Variants in BUD31 observed in about 807,000 individuals in gnomAD.
BUD31 encodes protein BUD31 homolog.
In BUD31, 9 loss-of-function variants were observed where a neutral mutation model predicts 17.9. The ratio of observed to expected loss-of-function variants is 0.50; its 90% confidence interval spans 0.30 to 0.88. BUD31 has a LOEUF of 0.88. Ranked by LOEUF, BUD31 falls within the 40% of genes least tolerant of loss-of-function variation. BUD31 has a pLI of 0.06. For synonymous variants in BUD31, 70 were observed against 64.7 expected (o/e 1.08, Z -0.39); for missense variants, 148 against 184.5 (o/e 0.80, Z 1.15).
At chr7:99,418,965 G>A (rs966919593) in intron 5 of BUD31, 3 of 183,850 alleles carry the variant, frequency 1.6e-5, no homozygotes, top group Non-Finnish European at 3.4e-5. Context: ...GGCCAGAAGG[G>A]TGTGACTCAA....
rs145365365 is a variant in BUD31, at chr7:99,412,151, A to G, written c.94+965A>G. Among the ~76,000 whole-genome samples, 424 of 152,360 alleles carry G rather than the reference A, an allele frequency of 2.8e-3. 1 individual carries two copies. Among genetic ancestry groups the G allele is most frequent in the African/African-American group, 9.9e-3 (413 of 41,576 alleles). On this transcript the variant is annotated intron_variant, in intron 3 of 5. Transcript: ENST00000222969. ...CCTTTTTAAAAAAACTGTTCGTACC[A>G]GATAACTTCTATTAAATACTCAGTA...
chr7:99,411,876 T>C, intron 3 of BUD31: 1 of 350,350 alleles, frequency 2.9e-6, no homozygotes, highest in South Asian at 2.1e-5. Context: ...CCGGCTAATT[T>C]TTGTATTTTT....
intron 3 of BUD31, among the ~76,000 whole-genome samples, chr7:99,411,515 T>C (rs2150918995): frequency 6.6e-6 from 1 of 152,352 alleles, no homozygotes; most frequent in East Asian, 1.9e-4. Context: ...ATATATTTAC[T>C]TGGAAGTGCT....
intron 3 of BUD31, 42 bp downstream of exon 3, chr7:99,411,228 G>C: frequency 6.6e-7 from 1 of 1,526,356 alleles, no homozygotes; most frequent in Non-Finnish European, 9.1e-7. Context: ...GGGTCCAAGG[G>C]TCACAGGCTT....
chr7:99,412,961 T>C (rs141348640), intron 3 of BUD31, among the ~76,000 whole-genome samples: 272 of 152,090 alleles, frequency 1.8e-3, no homozygotes, highest in African/African-American at 6.4e-3. Context: ...GGTGTGTTAG[T>C]CCATTTTCAC....
chr7:99,409,774 G>C (rs568553320), intron 1 of BUD31, among the ~76,000 whole-genome samples: 6 of 130,984 alleles, frequency 4.6e-5, no homozygotes, highest in East Asian at 5.5e-4. Context: ...GTGGGCGGGG[G>C]GGGGGTGGGT....
intron 3 of BUD31, among the ~76,000 whole-genome samples, chr7:99,412,423 C>G: frequency 6.6e-6 from 1 of 152,040 alleles, no homozygotes; most frequent in East Asian, 1.9e-4. Flanking sequence ...ATTCTTTGTT[C>G]TGTTTTCTTT....
intron 5 of BUD31, 146 bp from the exon 6 acceptor site, chr7:99,419,245 T>C: frequency 2.2e-6 from 2 of 929,056 alleles, no homozygotes; most frequent in Non-Finnish European, 1.6e-6. Context: ...AAATTTTCCC[T>C]GTCCAGAGCT....
intron 4 of BUD31, chr7:99,416,951 C>T (rs1316379974): frequency 1.2e-5 from 2 of 162,860 alleles, no homozygotes; most frequent in African/African-American, 4.8e-5. Context: ...AAATGATCCT[C>T]TGGCGTTGGC....
intron 5 of BUD31, 69 bp from the exon 6 acceptor site, chr7:99,419,322 C>T: frequency 6.3e-7 from 1 of 1,575,884 alleles, no homozygotes; most frequent in Non-Finnish European, 8.7e-7. Context: ...GGGAGGGTTG[C>T]CACATATGTG....
chr7:99,416,903 T>G (rs1795508241), intron 4 of BUD31: 1 of 161,292 alleles, frequency 6.2e-6, no homozygotes, highest in South Asian at 1.6e-4. Context: ...AAATTTTTTG[T>G]GGAGATGGGC....
Position 99,419,410 on chromosome 7 carries a change from C to G in BUD31, c.404C>G (p.Thr135Arg). The change falls in exon 6 of 6, where the codon ACA becomes AGA. Residue 135 changes from threonine to arginine, a missense_variant. Thr to Arg is a moderately conservative substitution (Grantham distance 71, BLOSUM62 -1). Coordinates refer to ENST00000222969, the MANE Select transcript of BUD31 (RefSeq NM_003910.4). ...TTGCAGGGCCGCATCATCGAGTGCA[C>G]ACACTGTGGCTGTCGTGGCTGCTCT... Reference protein sequence around the residue: ...KLEVGRIIECTHCGCRGCSG With the variant: ...KLEVGRIIECRHCGCRGCSG 6.2e-7 allele frequency: 1 copy of G among 1,613,162 alleles called. No individual in the cohort carries two copies. Among genetic ancestry groups the G allele is most frequent in the Non-Finnish European group, 8.5e-7 (1 of 1,180,020 alleles).
rs972153751 is a variant in BUD31, at chr7:99,418,183, T to C, written c.384+588T>C. 1.5e-5 allele frequency: 3 copies of C among 195,080 alleles called. No homozygotes were observed. In the South Asian group the frequency reaches 3.5e-4, roughly 23 times the overall value. The allele number at this position is 195,080 out of a possible 1,614,324, so 12.1% of individuals were successfully genotyped here. A position where few individuals can be genotyped will look rare whatever the true frequency, so the allele number is the denominator to read the frequency against. On this transcript the variant is annotated intron_variant, in intron 5 of 5. Transcript: ENST00000222969. ...GGTTTCTCAATGTTGCTCAGGCTGG[T>C]CTCGAACTCCCGACCTCAGGTGATC...
chr7:99,411,703 CTT>C, intron 3 of BUD31: 1 of 455,900 alleles, frequency 2.2e-6, no homozygotes. Flanking sequence ...TACCAATTGA[CTT>C]TTTTATTTTT....
intron 1 of BUD31, 139 bp downstream of exon 1, chr7:99,409,384 AC>A (rs1795078246): frequency 1.3e-5 from 2 of 151,678 alleles, no homozygotes; most frequent in Non-Finnish European, 2.9e-5. Context: ...AATCTCTCTT[AC>A]ACCTCCCGGC....
intron 4 of BUD31, 36 bp downstream of exon 4, chr7:99,416,296 C>T (rs372430786): frequency 4.1e-5 from 65 of 1,598,418 alleles, no homozygotes; most frequent in Middle Eastern, 3.3e-4. Context: ...TTGAAGCTCG[C>T]GTCACTTTTG....
intron 3 of BUD31, among the ~76,000 whole-genome samples, chr7:99,413,121 T>C (rs920637528): frequency 6.6e-6 from 1 of 152,004 alleles, no homozygotes; most frequent in Non-Finnish European, 1.5e-5. Flanking sequence ...TGCTGAATCT[T>C]TACTACCTGC....
At chr7:99,418,029 G>A (rs1325062888) in intron 5 of BUD31, 8 of 1,112,648 alleles carry the variant, frequency 7.2e-6, no homozygotes, top group East Asian at 1.5e-4. Flanking sequence ...GTGCAGTGAT[G>A]CCATCTTGGC....
chr7:99,414,387 C>G (rs528480853), intron 3 of BUD31, among the ~76,000 whole-genome samples: 4 of 152,258 alleles, frequency 2.6e-5, no homozygotes, highest in African/African-American at 9.6e-5. Flanking sequence ...GTCCGCCCAC[C>G]TTGGCCTCCC....
Sources: allele counts gnomAD v4.1 joint callset (sites outside exome capture counted in the v4.1 genomes callset), GRCh38; gene constraint gnomAD v4.1.1; transcripts MANE v1.5; gene names NCBI Gene and HGNC (gene_info 2026-07-23, HGNC 2026-07-21).